The following AOPEP variants were observed in gnomAD, a reference collection of about 807,000 sequenced individuals.
AOPEP encodes the protein aminopeptidase O (putative), also known as aminopeptidase O.
AOPEP carries 77 observed loss-of-function variants against 98.1 expected under a neutral mutation model. That is an observed-to-expected ratio of 0.78 (90% CI 0.65 to 0.95). The LOEUF (loss-of-function observed/expected upper bound fraction) is 0.95. Among genes scored for constraint, AOPEP ranks in the 40% least tolerant of loss-of-function variants. The probability of loss-of-function intolerance (pLI) is 0.00; values close to 1 mark genes in which losing one functional copy is unlikely to be tolerated. For missense variants in AOPEP, 1,024 were observed against 1,024.7 expected, an observed-to-expected ratio of 1.00 and a Z score of 0.01; for synonymous variants, 346 against 365.3, an observed-to-expected ratio of 0.95 and a Z score of 0.60.
intron 1 of AOPEP, among the ~76,000 whole-genome samples, chr9:94,728,241 A>G (rs1041201118): frequency 1.8e-4 from 24 of 134,458 alleles, no homozygotes; most frequent in East Asian, 6.3e-4. Context: ...GCGCGCATGC[A>G]CACACACACA....
intron 4 of AOPEP, among the ~76,000 whole-genome samples, chr9:94,796,456 G>T (rs1197080326): frequency 1.3e-5 from 2 of 152,216 alleles, no homozygotes; most frequent in African/African-American, 4.8e-5. Flanking sequence ...GCTCTGAAGT[G>T]CCAGTCACAG....
chr9:94,735,687 A>T (rs1055023987), intron 1 of AOPEP, among the ~76,000 whole-genome samples: 2 of 152,236 alleles, frequency 1.3e-5, no homozygotes, highest in African/African-American at 2.4e-5. Flanking sequence ...TTCACATGCC[A>T]CAAAATTCAC....
At chr9:94,981,168 G>C (rs555349874) in intron 11 of AOPEP, among the ~76,000 whole-genome samples, 1 of 152,204 alleles carries the variant, frequency 6.6e-6, no homozygotes, top group Non-Finnish European at 1.5e-5. Flanking sequence ...TCTCACTGCC[G>C]GGGGCTCTGT....
At chr9:94,985,659 T>C (rs2060472413) in intron 11 of AOPEP, among the ~76,000 whole-genome samples, 1 of 152,242 alleles carries the variant, frequency 6.6e-6, no homozygotes, top group African/African-American at 2.4e-5. Context: ...TTATATGAAC[T>C]ACGATATGTT....
At position 94,799,163 on chromosome 9, in the gene AOPEP, T is replaced by C. The variant is rs117828945; in HGVS notation, c.1119-1594T>C. 6.0e-4 allele frequency among the ~76,000 whole-genome samples: 91 copies of C among 152,320 alleles called. No homozygotes were observed. In the East Asian group the frequency reaches 0.013, roughly 22 times the overall value. ...GCCTTGGGTAAGTGAAAGGTACTTC[T>C]TACATTTGGAGAGGAATTATTGTTG... On this transcript the variant is annotated intron_variant, in intron 4 of 16. Coordinates refer to ENST00000375315, the MANE Select transcript of AOPEP (RefSeq NM_001193329.3).
chr9:94,977,840 A>G (rs2059945063), intron 10 of AOPEP, among the ~76,000 whole-genome samples: 1 of 152,200 alleles, frequency 6.6e-6, no homozygotes, highest in Non-Finnish European at 1.5e-5. Flanking sequence ...TTGCCTGCTA[A>G]TCACACAGAG....
intron 13 of AOPEP, among the ~76,000 whole-genome samples, chr9:95,023,620 A>ATG (rs773570793): frequency 2.6e-5 from 4 of 152,214 alleles, no homozygotes; most frequent in Non-Finnish European, 5.9e-5. Flanking sequence ...CCACAAAAAA[A>ATG]TGCTTGCTGG....
chr9:94,873,365 A>T (rs1237344902), intron 5 of AOPEP, among the ~76,000 whole-genome samples: 3 of 152,246 alleles, frequency 2.0e-5, no homozygotes, highest in Non-Finnish European at 4.4e-5. Flanking sequence ...GACCAAGAAT[A>T]TAATTTGAAA....
the AOPEP span, among the ~76,000 whole-genome samples, chr9:95,108,289 A>G: frequency 6.6e-6 from 1 of 152,248 alleles, no homozygotes; most frequent in African/African-American, 2.4e-5. Flanking sequence ...GCAGCGCTCC[A>G]GCAGGGCAGG....
chr9:95,077,812 G>A (rs1317552949), intron 14 of AOPEP, among the ~76,000 whole-genome samples: 4 of 152,156 alleles, frequency 2.6e-5, no homozygotes, highest in East Asian at 1.9e-4. Context: ...CTGTGGTGAC[G>A]AATGGCATGC....
chr9:94,963,911 A>C lies in AOPEP; in HGVS notation c.1873-3847A>C, dbSNP rs55920115. Among the ~76,000 whole-genome samples the C allele has an allele frequency of 4.6e-3, 707 of 152,316 alleles. 10 individuals carry two copies. The highest frequency in any genetic ancestry group is 0.041 in the South Asian group (196 of 4,828). On this transcript the variant is annotated intron_variant, in intron 9 of 16. Transcript: ENST00000375315. ...GAAAGTGGAAAAAGCTTCTGTCATA[A>C]GTCCACTTTAGAGGTATATGCCAAT...
chr9:94,782,043 A>T (rs1843382288), intron 3 of AOPEP, among the ~76,000 whole-genome samples: 1 of 151,392 alleles, frequency 6.6e-6, no homozygotes, highest in Non-Finnish European at 1.5e-5. Flanking sequence ...TACAAAAAAA[A>T]TTAGCCGGGC....
the AOPEP span, among the ~76,000 whole-genome samples, chr9:95,127,694 A>T: frequency 6.6e-6 from 1 of 152,160 alleles, no homozygotes; most frequent in Non-Finnish European, 1.5e-5. Flanking sequence ...TTTGGGAAAC[A>T]CTGTTCACAG....
chr9:94,819,649 A>G (rs1033229124), intron 5 of AOPEP, among the ~76,000 whole-genome samples: 1 of 152,038 alleles, frequency 6.6e-6, no homozygotes, highest in Admixed American at 6.6e-5. Context: ...ATCTGGGCTC[A>G]TTGCAGCTTT....
rs147300151 is a variant in AOPEP at position 94,879,102 on chromosome 9, A to G, written c.1365-44884A>G. 6.9e-4 allele frequency among the ~76,000 whole-genome samples: 105 copies of G among 152,302 alleles called. No individual in the cohort carries two copies. The Middle Eastern group carries it at 0.014, about 20-fold the overall frequency. ...ACAGCTGATCCAGGGTCTGCAAAAT[A>G]TCTCAAGCACTGATCTTAGGAGCAG... On this transcript the variant is annotated intron_variant, in intron 5 of 16. Transcript: ENST00000375315.
At chr9:94,887,165 ACC>A (rs34250058) in intron 5 of AOPEP, among the ~76,000 whole-genome samples, 4,157 of 147,328 alleles carry the variant, frequency 0.028, 149 homozygotes, top group African/African-American at 0.081. Context: ...ACAAAGTGAG[ACC>A]CCCCCCGTCT....
intron 13 of AOPEP, chr9:95,021,646 G>A (rs79400382): frequency 6.6e-6 from 1 of 152,234 alleles, no homozygotes; most frequent in Admixed American, 6.5e-5. Flanking sequence ...CACACACACA[G>A]AGAGTCTAAT....
chr9:95,110,230 G>GTGTT, the AOPEP span: 2 of 999,430 alleles, frequency 2.0e-6, no homozygotes, highest in East Asian at 7.2e-5. Context: ...TAGAAATTAA[G>GTGTT]TGTTATTGAA....
chr9:95,058,378 C>T (rs2067017316), intron 13 of AOPEP, among the ~76,000 whole-genome samples: 1 of 152,188 alleles, frequency 6.6e-6, no homozygotes, highest in Non-Finnish European at 1.5e-5. Flanking sequence ...TTTCTTTCTA[C>T]TCTCCCCTTC....
Sources: allele counts gnomAD v4.1 joint callset (sites outside exome capture counted in the v4.1 genomes callset), GRCh38; gene constraint gnomAD v4.1.1; transcripts MANE v1.5; gene names NCBI Gene and HGNC (gene_info 2026-07-23, HGNC 2026-07-21).